Variants in WDR49 observed in about 807,000 individuals in gnomAD.
The protein encoded by WDR49 is cilia- and flagella-associated protein 337.
Under a neutral mutation model 119.5 loss-of-function variants are expected in WDR49, and 107 were observed. The observed-to-expected ratio is 0.90, with a 90% confidence interval of 0.77 to 1.05. The LOEUF (loss-of-function observed/expected upper bound fraction) is 1.05, where lower values mean the gene tolerates loss of function less well. WDR49 is among the 50% of genes least tolerant of loss of function. WDR49 has a pLI of 0.00. For synonymous variants in WDR49, 425 were observed against 418.8 expected, an observed-to-expected ratio of 1.01 and a Z score of -0.18; for missense variants, 1,240 against 1,220.5, an observed-to-expected ratio of 1.02 and a Z score of -0.24.
chr3:167,643,704 C>A (rs1463175659), intron 2 of WDR49, among the ~76,000 whole-genome samples: 1 of 151,880 alleles, frequency 6.6e-6, no homozygotes, highest in South Asian at 2.1e-4. Context: ...TAAAGGAAGG[C>A]CTATGTCTAA....
intron 3 of WDR49, 142 bp from the exon 4 acceptor site, chr3:167,621,785 G>A (rs1007311010): frequency 2.5e-5 from 20 of 797,252 alleles, no homozygotes; most frequent in East Asian, 5.6e-5. Context: ...GTTAAGAACA[G>A]CGGCACAAAT....
chr3:167,590,943 T>C (rs994723889), intron 7 of WDR49, among the ~76,000 whole-genome samples: 20 of 152,078 alleles, frequency 1.3e-4, no homozygotes, highest in Non-Finnish European at 2.8e-4. Context: ...CTCTGATCTT[T>C]ATTTTTTCTT....
At chr3:167,531,085 CTA>C in intron 13 of WDR49, 28 bp downstream of exon 13, 1 of 1,592,688 alleles carries the variant, frequency 6.3e-7, no homozygotes, top group Non-Finnish European at 8.5e-7. Flanking sequence ...CCCTTTCCAA[CTA>C]TATGTAAAAT....
intron 5 of WDR49, among the ~76,000 whole-genome samples, chr3:167,617,154 A>C (rs965259648): frequency 6.6e-6 from 1 of 152,214 alleles, no homozygotes; most frequent in Non-Finnish European, 1.5e-5. Context: ...ACAGAGGAAG[A>C]GGCAAAATAA....
At chr3:167,517,694 T>C (rs967683220) in intron 16 of WDR49, among the ~76,000 whole-genome samples, 4 of 151,252 alleles carry the variant, frequency 2.6e-5, no homozygotes, top group African/African-American at 9.7e-5. Context: ...TTTCCGTTTT[T>C]AACCTTTACT....
At chr3:167,506,706 A>G (rs1751782936) in intron 16 of WDR49, among the ~76,000 whole-genome samples, 1 of 152,178 alleles carries the variant, frequency 6.6e-6, no homozygotes, top group Non-Finnish European at 1.5e-5. Flanking sequence ...TATTAACTGA[A>G]TTCCATATTT....
intron 7 of WDR49, among the ~76,000 whole-genome samples, chr3:167,601,609 T>G (rs1002472245): frequency 2.0e-5 from 3 of 149,144 alleles, no homozygotes; most frequent in Admixed American, 6.6e-5. Flanking sequence ...AGTGCCATAT[T>G]TTTTTTTCCA....
intron 9 of WDR49, among the ~76,000 whole-genome samples, chr3:167,555,321 A>T (rs545724849): frequency 6.6e-6 from 1 of 152,210 alleles, no homozygotes; most frequent in East Asian, 1.9e-4. Flanking sequence ...AAAGCCCACA[A>T]TGGAAGGGCT....
intron 18 of WDR49, among the ~76,000 whole-genome samples, chr3:167,485,625 A>G (rs898898417): frequency 6.6e-6 from 1 of 152,070 alleles, no homozygotes; most frequent in Non-Finnish European, 1.5e-5. Flanking sequence ...TACAATTAGA[A>G]GTTTTAACAG....
chr3:167,580,899 C>T (rs762484253), intron 7 of WDR49, among the ~76,000 whole-genome samples: 1 of 152,032 alleles, frequency 6.6e-6, no homozygotes, highest in Non-Finnish European at 1.5e-5. Flanking sequence ...GTAGAGAAAA[C>T]AGATTCACAA....
intron 9 of WDR49, 121 bp downstream of exon 9, chr3:167,559,943 G>T: frequency 9.9e-7 from 1 of 1,013,334 alleles, no homozygotes; most frequent in Non-Finnish European, 1.4e-6. Flanking sequence ...CTCTTACCAT[G>T]TCTCATTTCT....
At chr3:167,576,470 CTGTGAATATGTTATCTTAGGTGGCAAA>C (rs1459623239) in intron 7 of WDR49, among the ~76,000 whole-genome samples, 8 of 152,220 alleles carry the variant, frequency 5.3e-5, no homozygotes, top group African/African-American at 1.9e-4. Context: ...TTCCCAGAAC[CTGTGAATATGTTATCTTAGGTGGCAAA>C]AGAGATTCTG....
chr3:167,613,663 A>G (rs111532928), intron 5 of WDR49, among the ~76,000 whole-genome samples: 3,762 of 152,236 alleles, frequency 0.025, 149 homozygotes, highest in African/African-American at 0.083. Flanking sequence ...AGCAATTAGC[A>G]GCTGGTTGTG....
chr3:167,602,017 T>C, intron 7 of WDR49, 110 bp downstream of exon 7: 1 of 1,330,058 alleles, frequency 7.5e-7, no homozygotes. Context: ...AGCTAGCCAG[T>C]ATATTTTAAA....
chr3:167,532,845 A>G, intron 12 of WDR49, 34 bp downstream of exon 12: 2 of 1,517,620 alleles, frequency 1.3e-6, no homozygotes, highest in Non-Finnish European at 1.8e-6. Context: ...TGATTTGACT[A>G]GCCATGTTAT....
At chr3:167,617,478 A>G (rs1716654182) in intron 5 of WDR49, among the ~76,000 whole-genome samples, 1 of 152,236 alleles carries the variant, frequency 6.6e-6, no homozygotes, top group South Asian at 2.1e-4. Flanking sequence ...GTGAGCCAAG[A>G]TCGCACCACT....
In WDR49 at chr3:167,522,178, C is replaced by T. The variant is rs866738449; in HGVS notation, c.2774+137G>A. 298 of 793,232 alleles carry T rather than the reference C, an allele frequency of 3.8e-4. 1 individual carries two copies. The Middle Eastern group carries it at 4.6e-3, about 12-fold the overall frequency. 49.1% of individuals were successfully genotyped at this position (793,232 alleles called of 1,614,324 possible). ...TAAGTCACTCATTCATACGCACCTA[C>T]CAATCCCCCAAATTTTGGAGAAATC... is the stretch of plus-strand genomic sequence containing the variant. On this transcript the variant is annotated intron_variant, in intron 16 of 18. Transcript: ENST00000682715.
At chr3:167,646,818 G>A (rs1048152572) in intron 2 of WDR49, among the ~76,000 whole-genome samples, 6 of 152,034 alleles carry the variant, frequency 3.9e-5, no homozygotes, top group East Asian at 3.9e-4. Context: ...CAGAGATGTC[G>A]GTGCCTAGAG....
chr3:167,536,484 G>T (rs1753030477), intron 11 of WDR49, among the ~76,000 whole-genome samples: 1 of 151,700 alleles, frequency 6.6e-6, no homozygotes. Flanking sequence ...TTTGAGATCA[G>T]CCTGGACAAC....
Sources: gnomAD v4.1 joint callset for allele counts (sites outside exome capture counted in the v4.1 genomes callset) on GRCh38, gnomAD v4.1.1 for gene constraint, MANE v1.5 for transcripts, NCBI Gene and HGNC (gene_info 2026-07-23, HGNC 2026-07-21) for gene names.